Variants in B4GALNT3 observed in about 807,000 individuals in gnomAD.
B4GALNT3 encodes the protein beta-1,4-N-acetyl-galactosaminyltransferase 3, also known as beta-1,4-N-acetylgalactosaminyltransferase 3.
Under a neutral mutation model 120.2 loss-of-function variants are expected in B4GALNT3, and 86 were observed. The observed-to-expected ratio is 0.72, with a 90% CI of 0.60 to 0.86. The LOEUF (loss-of-function observed/expected upper bound fraction) is 0.86, where lower values mean the gene tolerates loss of function less well. Among genes scored for constraint, B4GALNT3 ranks in the 40% least tolerant of loss-of-function variants. The probability of loss-of-function intolerance (pLI) is 0.00; values close to 1 mark genes in which losing one functional copy is unlikely to be tolerated. For missense variants in B4GALNT3, 1,167 were observed against 1,298.9 expected, an observed-to-expected ratio of 0.90 and a Z score of 1.56; for synonymous variants, 518 against 510.4, an observed-to-expected ratio of 1.01 and a Z score of -0.20.
At chr12:536,115 C>A in intron 2 of B4GALNT3, 103 bp from the exon 3 acceptor site, 1 of 866,752 alleles carries the variant, frequency 1.2e-6, no homozygotes, top group Non-Finnish European at 2.0e-6. Context: ...CGGCAGCGTG[C>A]TCCGAGCCGA....
intron 3 of B4GALNT3, among the ~76,000 whole-genome samples, chr12:539,173 G>T (rs1377434584): frequency 3.3e-5 from 5 of 152,176 alleles, no homozygotes; most frequent in African/African-American, 1.2e-4. Flanking sequence ...GTTTTACTTG[G>T]TGCACCAGAG....
chr12:547,908 C>G (rs1947028431), intron 7 of B4GALNT3, 116 bp from the exon 8 acceptor site: 2 of 867,440 alleles, frequency 2.3e-6, no homozygotes, highest in African/African-American at 3.3e-5. Flanking sequence ...TCCTGGCATT[C>G]TAAGAGCAAG....
At chr12:554,779 GA>G (rs1221371889) in intron 14 of B4GALNT3, among the ~76,000 whole-genome samples, 1 of 82,532 alleles carries the variant, frequency 1.2e-5, no homozygotes, top group African/African-American at 5.4e-5. Context: ...GACAGAGCAA[GA>G]CTCCGTCTCA....
At chr12:466,372 C>G (rs1946081190) in intron 1 of B4GALNT3, among the ~76,000 whole-genome samples, 10 of 152,136 alleles carry the variant, frequency 6.6e-5, no homozygotes, top group Admixed American at 5.9e-4. Flanking sequence ...GTTGGCCGCT[C>G]GCTGTCTAGT....
intron 3 of B4GALNT3, chr12:543,280 C>A: frequency 8.8e-7 from 1 of 1,139,774 alleles, no homozygotes; most frequent in Non-Finnish European, 1.2e-6. Context: ...GAGAGGAGCA[C>A]CGGCCCCTTT....
At chr12:512,475 C>CTT (rs1946595169) in intron 1 of B4GALNT3, among the ~76,000 whole-genome samples, 1 of 146,340 alleles carries the variant, frequency 6.8e-6, no homozygotes, top group African/African-American at 2.6e-5. Flanking sequence ...CTTCCGCCCA[C>CTT]CTTCCACCTT....
At chr12:464,624 T>A (rs1946058813) in intron 1 of B4GALNT3, among the ~76,000 whole-genome samples, 2 of 122,104 alleles carry the variant, frequency 1.6e-5, no homozygotes, top group South Asian at 6.8e-4. Context: ...AGAGCGAGAC[T>A]CTACTTAAAA....
intron 1 of B4GALNT3, among the ~76,000 whole-genome samples, chr12:507,425 G>C (rs1025991931): frequency 2.1e-4 from 32 of 152,308 alleles, no homozygotes; most frequent in African/African-American, 7.2e-4. Flanking sequence ...CACTGGGCCT[G>C]GGTGCTGTCT....
At chr12:487,704 C>T (rs1946302677) in intron 1 of B4GALNT3, among the ~76,000 whole-genome samples, 1 of 137,278 alleles carries the variant, frequency 7.3e-6, no homozygotes, top group Non-Finnish European at 1.5e-5. Flanking sequence ...CAGAGCGAGA[C>T]TCTATCTTGA....
chr12:557,811 A>G, intron 16 of B4GALNT3, 50 bp downstream of exon 16: 2 of 1,565,462 alleles, frequency 1.3e-6, no homozygotes, highest in Non-Finnish European at 1.7e-6. Context: ...TCCATCCTAA[A>G]GTCCTAGGGC....
chr12:549,949 GA>G (rs1947059420), intron 10 of B4GALNT3, 37 bp downstream of exon 10: 6 of 1,570,950 alleles, frequency 3.8e-6, no homozygotes, highest in Non-Finnish European at 5.2e-6. Flanking sequence ...CCTTTCTGGG[GA>G]CACTGCACTG....
chr12:501,539 C>T (rs1333222913), intron 1 of B4GALNT3, among the ~76,000 whole-genome samples: 1 of 152,060 alleles, frequency 6.6e-6, no homozygotes, highest in East Asian at 1.9e-4. Context: ...TATGTTTGCA[C>T]CACTGCACTC....
At position 553,411 on chromosome 12, in the gene B4GALNT3, A is replaced by C. The variant is rs868664279; in HGVS notation, c.1488A>C (p.Thr496=). Residue 496 remains threonine (T), a synonymous_variant, in exon 14 of 20, where the codon ACA becomes ACC. Transcript: ENST00000266383. ...LLAPFSKRNS[T]ASFPGRTSHI... ...CCCCCTTCTCCAAGCGGAACTCCACAGCGTCCTTCCCAGGGAGGACCAGCC... is the reference window on the plus strand; with the variant it reads ...CCCCCTTCTCCAAGCGGAACTCCACCGCGTCCTTCCCAGGGAGGACCAGCC... 3 of 1,613,922 alleles carry C rather than the reference A, an allele frequency of 1.9e-6. No individual in the cohort carries two copies. In the Middle Eastern group the frequency reaches 4.9e-4, roughly 266 times the overall value.
rs530741127 is a variant in B4GALNT3 at position 545,587 on chromosome 12, GA to G, written c.639+122del. 5 of 1,039,458 alleles carry G rather than the reference GA, an allele frequency of 4.8e-6. No homozygotes were observed. In the East Asian group the frequency reaches 1.3e-4, roughly 28 times the overall value. The allele number at this position is 1,039,458 out of a possible 1,614,324, so 64.4% of individuals were successfully genotyped here. A position where few individuals can be genotyped will look rare whatever the true frequency, so the allele number is the denominator to read the frequency against. On this transcript the variant is annotated intron_variant, in intron 6 of 19. Coordinates refer to ENST00000266383, the MANE Select transcript of B4GALNT3 (RefSeq NM_173593.4). ...GTGTGACAGCGGGGAAGAAGGGGTG[GA>G]AAAGAAGTCTCCTCCCTCACCCCTA...
chr12:532,058 G>C (rs1946813724), intron 1 of B4GALNT3, among the ~76,000 whole-genome samples: 1 of 151,744 alleles, frequency 6.6e-6, no homozygotes, highest in Non-Finnish European at 1.5e-5. Context: ...CTGCTGCCTT[G>C]GCCTCCCAAA....
intron 2 of B4GALNT3, among the ~76,000 whole-genome samples, chr12:535,703 G>A (rs1946851820): frequency 6.6e-6 from 1 of 151,900 alleles, no homozygotes; most frequent in South Asian, 2.1e-4. Context: ...CAGACTTGTG[G>A]TGGAGCATTT....
At chr12:482,247 A>G (rs1480835058) in intron 1 of B4GALNT3, among the ~76,000 whole-genome samples, 1 of 152,188 alleles carries the variant, frequency 6.6e-6, no homozygotes, top group African/African-American at 2.4e-5. Flanking sequence ...GGAGCCTACT[A>G]GCAGCCACAG....
At position 553,756 on chromosome 12, in the gene B4GALNT3, AGAG is replaced by A. The variant is rs748614471; in HGVS notation, c.1842_1844del (p.Glu616del). 33 of 1,614,052 alleles carry A rather than the reference AGAG, an allele frequency of 2.0e-5. No homozygotes were observed. Among genetic ancestry groups the A allele is most frequent in the African/African-American group, 1.3e-4 (10 of 74,940 alleles). ...TGGAGGGAGAGGAAGAGGGGGAAGA[AGAG>A]GAGGAGGAAGAGGATATGAGTGAGG... is the stretch of plus-strand genomic sequence containing the variant. On this transcript the variant is annotated inframe_deletion, in exon 14 of 20. Transcript: ENST00000266383.
chr12:546,896 G>A lies in B4GALNT3; in HGVS notation c.707+183G>A, dbSNP rs1947014622. On this transcript the variant is annotated intron_variant, in intron 7 of 19. Coordinates refer to ENST00000266383, the MANE Select transcript of B4GALNT3 (RefSeq NM_173593.4). ...CCCATCCGTCCTCGTTTCACAGATG[G>A]GGAAACTGAGGCCCAGAAGGCCGTG... is the stretch of plus-strand genomic sequence containing the variant. 6.5e-6 allele frequency: 4 copies of A among 612,286 alleles called. No individual in the cohort carries two copies. The Admixed American group carries it at 1.2e-4, about 18-fold the overall frequency. The allele number at this position is 612,286 out of a possible 1,614,324, so 37.9% of individuals were successfully genotyped here. A position where few individuals can be genotyped will look rare whatever the true frequency, so the allele number is the denominator to read the frequency against.
Sources: allele counts gnomAD v4.1 joint callset (sites outside exome capture counted in the v4.1 genomes callset), GRCh38; gene constraint gnomAD v4.1.1; transcripts MANE v1.5; gene names NCBI Gene and HGNC (gene_info 2026-07-23, HGNC 2026-07-21).